MAP4K3: variants seen among roughly 807,000 people sequenced by gnomAD.
MAP4K3 encodes the protein mitogen-activated protein kinase kinase kinase kinase 3, also known as MAPK/ERK kinase kinase kinase 3.
A neutral mutation model predicts 143.5 loss-of-function variants in MAP4K3; 94 were observed. The observed-to-expected ratio is 0.65, with a 90% CI of 0.55 to 0.78. The LOEUF (loss-of-function observed/expected upper bound fraction) is 0.78, where lower values mean the gene tolerates loss of function less well. Ranked by LOEUF, MAP4K3 falls within the 30% of genes least tolerant of loss-of-function variation. The pLI, the probability that MAP4K3 is intolerant of heterozygous loss-of-function variation, is 0.00. For synonymous variants in MAP4K3, 416 were observed against 347.2 expected (o/e 1.20, Z -2.20); for missense variants, 1,077 against 1,068.1 (o/e 1.01, Z -0.12).
At chr2:39,271,225 G>C (rs1432826573) in intron 26 of MAP4K3, among the ~76,000 whole-genome samples, 1 of 152,162 alleles carries the variant, frequency 6.6e-6, no homozygotes, top group African/African-American at 2.4e-5. Flanking sequence ...CTTAAAGGAA[G>C]AGACTATATC....
In MAP4K3 at chr2:39,325,591, G is replaced by C; in HGVS notation, c.845C>G (p.Ala282Gly). ...FVTQHLTRSL[A>G]IELLDKVNNP... The stretch of plus-strand genomic sequence containing the variant: ...ATTTACTTTATCCAACAGCTCGATT[G>C]CCAAAGACCGTGTCAAATGTTGTGT... The change falls in exon 12 of 34, where the codon GCA becomes GGA. Residue 282 changes from alanine to glycine, a missense_variant. By Grantham distance (60) the Ala-to-Gly change is moderately conservative. Transcript: ENST00000263881. The C allele has an allele frequency of 6.2e-7, 1 of 1,613,120 alleles. No homozygotes were observed.
intron 1 of MAP4K3, among the ~76,000 whole-genome samples, chr2:39,381,972 C>T (rs1298517779): frequency 6.6e-6 from 1 of 152,174 alleles, no homozygotes; most frequent in African/African-American, 2.4e-5. Context: ...TTCTGGGTAA[C>T]CTTTCTAAAA....
chr2:39,417,462 AC>A (rs979907763), intron 1 of MAP4K3, among the ~76,000 whole-genome samples: 1 of 150,990 alleles, frequency 6.6e-6, no homozygotes, highest in African/African-American at 2.4e-5. Flanking sequence ...CTTGTGATCC[AC>A]CCCCTCCGTC....
intron 32 of MAP4K3, 139 bp from the exon 33 acceptor site, chr2:39,252,024 C>A: frequency 1.5e-6 from 1 of 654,394 alleles, no homozygotes; most frequent in South Asian, 1.8e-5. Context: ...TTGTTAAAGT[C>A]AGCATGTAGA....
At chr2:39,329,569 C>T (rs1256624210) in intron 8 of MAP4K3, among the ~76,000 whole-genome samples, 2 of 152,050 alleles carry the variant, frequency 1.3e-5, no homozygotes, top group East Asian at 3.9e-4. Flanking sequence ...GGGCTGGAAA[C>T]AGGAGTATTA....
At chr2:39,305,453 A>G (rs1282298506) in intron 15 of MAP4K3, among the ~76,000 whole-genome samples, 1 of 152,152 alleles carries the variant, frequency 6.6e-6, no homozygotes, top group Non-Finnish European at 1.5e-5. Flanking sequence ...ACTTTAAATC[A>G]CCTCATTTGT....
chr2:39,360,290 T>C (rs907447783), intron 2 of MAP4K3, among the ~76,000 whole-genome samples: 1 of 152,248 alleles, frequency 6.6e-6, no homozygotes, highest in Non-Finnish European at 1.5e-5. Context: ...CATCTCCATC[T>C]GACAGCACCT....
intron 21 of MAP4K3, among the ~76,000 whole-genome samples, chr2:39,285,794 T>C (rs7601700): frequency 0.89 from 135,109 of 152,198 alleles, 60,168 homozygotes; most frequent in Non-Finnish European, 0.92. Flanking sequence ...CTATTCATCT[T>C]GTTGACATCT....
Position 39,258,441 on chromosome 2 carries a change from C to T in MAP4K3, c.2378-1G>A. ...TGGAGATTTACTATTTTTATACAAC[C>T]TAGAGGAAAAAAAGTCACTCAGAAA... On this transcript the variant is annotated splice_acceptor_variant, in intron 30 of 33. Transcript: ENST00000263881. LOFTEE classifies it high-confidence loss of function. 6.2e-7 allele frequency: 1 copy of T among 1,606,980 alleles called. No individual in the cohort carries two copies. Among genetic ancestry groups the T allele is most frequent in the Non-Finnish European group, 8.5e-7 (1 of 1,174,738 alleles).
intron 12 of MAP4K3, among the ~76,000 whole-genome samples, chr2:39,322,259 T>G (rs1052506944): frequency 6.6e-6 from 1 of 152,192 alleles, no homozygotes; most frequent in African/African-American, 2.4e-5. Context: ...ACAGGTAACA[T>G]GCAGGTTACT....
chr2:39,356,464 A>T lies in MAP4K3; in HGVS notation c.155-125T>A, dbSNP rs1665613979. 4.9e-6 allele frequency: 3 copies of T among 608,194 alleles called. No individual in the cohort carries two copies. In the East Asian group the frequency reaches 9.3e-5, roughly 19 times the overall value. 37.7% of individuals were successfully genotyped at this position (608,194 alleles called of 1,614,324 possible). A position where few individuals can be genotyped will look rare whatever the true frequency, so the allele number is the denominator to read the frequency against. ...AACATAATTAATGAGTTATAAATAA[A>T]ACATAGCCAATAAGTTAATGGTATT... is the stretch of plus-strand genomic sequence containing the variant. On this transcript the variant is annotated intron_variant, in intron 2 of 33. Coordinates refer to ENST00000263881, the MANE Select transcript of MAP4K3 (RefSeq NM_003618.4).
rs746922571 is a variant in MAP4K3 at position 39,288,148 on chromosome 2, A to T, written c.1447T>A (p.Leu483Ile). The change falls in exon 20 of 34, where the codon TTA (leucine) becomes ATA (isoleucine). Residue 483 changes from leucine (L) to isoleucine (I), a missense_variant. Around this residue, in one of 2 missense-constraint regions of MAP4K3, gnomAD observed 864 missense variants for 801.2 expected, o/e 1.08. Transcript: ENST00000263881. ...AAGGCAACAGGTTTGTGTGGGGGTA[A>T]TCTGGGAGGTGGTGGTCTAGGTGGA... ...QVPPRPPPPR[L>I]PPHKPVALGN... The T allele has an allele frequency of 1.2e-6, 2 of 1,614,086 alleles. No homozygotes were observed. The highest frequency in any genetic ancestry group is 2.2e-5 in the South Asian group (2 of 91,074).
intron 1 of MAP4K3, among the ~76,000 whole-genome samples, chr2:39,378,504 C>T (rs752760448): frequency 6.6e-6 from 1 of 152,110 alleles, no homozygotes; most frequent in Non-Finnish European, 1.5e-5. Context: ...GTCATACAGC[C>T]AGTGAGTCGA....
In MAP4K3 at chr2:39,359,935, T is replaced by G. The variant is rs144700344; in HGVS notation, c.155-3596A>C. ...CCTCCAGGGCTGTGATGGGAGGGGT[T>G]GCTGCAAAAGTCTCTGAAATGCCCT... is the stretch of plus-strand genomic sequence containing the variant. On this transcript the variant is annotated intron_variant, in intron 2 of 33. Coordinates refer to ENST00000263881, the MANE Select transcript of MAP4K3 (RefSeq NM_003618.4). 3.9e-5 allele frequency among the ~76,000 whole-genome samples: 6 copies of G among 152,384 alleles called. No homozygotes were observed. In the East Asian group the frequency reaches 5.8e-4, roughly 15 times the overall value.
At chr2:39,388,110 A>G (rs6755534) in intron 1 of MAP4K3, among the ~76,000 whole-genome samples, 132,906 of 152,160 alleles carry the variant, frequency 0.87, 59,658 homozygotes, top group Non-Finnish European at 0.98. Context: ...TAACTGGCAG[A>G]CCACACTAAT....
chr2:39,263,906 G>A (rs193208341), intron 28 of MAP4K3, among the ~76,000 whole-genome samples: 2 of 152,224 alleles, frequency 1.3e-5, no homozygotes, highest in East Asian at 3.9e-4. Context: ...ACAGAGAAAA[G>A]CATCTTTCAT....
At chr2:39,257,230 G>C (rs1162474113) in intron 31 of MAP4K3, among the ~76,000 whole-genome samples, 1 of 152,058 alleles carries the variant, frequency 6.6e-6, no homozygotes, top group African/African-American at 2.4e-5. Flanking sequence ...CATTTTCCCA[G>C]CACTATCCTA....
rs17023777 is a variant in MAP4K3 at position 39,370,292 on chromosome 2, A to G, written c.154+7774T>C. On this transcript the variant is annotated intron_variant, in intron 2 of 33. Transcript: ENST00000263881. Reference sequence around the variant, plus strand: ...TATCCATGATTAACCTTTGAAGAATAATTATCATGAATGATGTAACAACTA... The same window carrying G: ...TATCCATGATTAACCTTTGAAGAATGATTATCATGAATGATGTAACAACTA... Among the ~76,000 whole-genome samples, 257 of 152,348 alleles carry G rather than the reference A, an allele frequency of 1.7e-3. 6 individuals carry two copies. In the East Asian group the frequency reaches 0.024, roughly 14 times the overall value.
At chr2:39,365,436 T>C (rs1304467199) in intron 2 of MAP4K3, among the ~76,000 whole-genome samples, 2 of 141,814 alleles carry the variant, frequency 1.4e-5, no homozygotes, top group Non-Finnish European at 3.1e-5. Flanking sequence ...AGTAATTTTT[T>C]TTTTTTTTTT....
Sources: allele counts gnomAD v4.1 joint callset (sites outside exome capture counted in the v4.1 genomes callset), GRCh38; gene constraint gnomAD v4.1.1; regional missense constraint gnomAD v4.1.1; transcripts MANE v1.5; gene names NCBI Gene and HGNC (gene_info 2026-07-23, HGNC 2026-07-21).